RGS7: variants seen among roughly 807,000 people sequenced by gnomAD.
RGS7 encodes the protein regulator of G-protein signaling 7.
In RGS7, 27 loss-of-function variants were observed where a neutral mutation model predicts 81.1. That is an observed-to-expected ratio of 0.33 (90% CI 0.25 to 0.46). The LOEUF (loss-of-function observed/expected upper bound fraction) is 0.46, where lower values mean the gene tolerates loss of function less well. RGS7 is among the 20% of genes least tolerant of loss of function. RGS7 has a pLI of 1.00. For synonymous variants in RGS7, 208 were observed against 207.7 expected, an observed-to-expected ratio of 1.00 and a Z score of -0.01; for missense variants, 396 against 607.4, an observed-to-expected ratio of 0.65 and a Z score of 3.66.
intron 3 of RGS7, among the ~76,000 whole-genome samples, chr1:241,014,491 T>C (rs2059123710): frequency 6.6e-6 from 1 of 152,238 alleles, no homozygotes; most frequent in African/African-American, 2.4e-5. Context: ...AGGCACTCAA[T>C]GTTACTTGTC....
intron 6 of RGS7, among the ~76,000 whole-genome samples, chr1:240,905,058 C>G (rs1215007065): frequency 6.6e-6 from 1 of 151,810 alleles, no homozygotes; most frequent in Non-Finnish European, 1.5e-5. Flanking sequence ...TTGAAACTTA[C>G]AATGCACACC....
intron 3 of RGS7, among the ~76,000 whole-genome samples, chr1:241,078,501 G>GTA (rs1211271223): frequency 6.6e-6 from 1 of 151,278 alleles, no homozygotes; most frequent in African/African-American, 2.4e-5. Context: ...GTGTGTGTGT[G>GTA]TATATACACA....
At chr1:240,912,720 C>A (rs1404094717) in intron 6 of RGS7, among the ~76,000 whole-genome samples, 1 of 151,896 alleles carries the variant, frequency 6.6e-6, no homozygotes, top group Non-Finnish European at 1.5e-5. Flanking sequence ...ACTCCCAACA[C>A]AAACACATAA....
downstream of RGS7, among the ~76,000 whole-genome samples, chr1:240,774,783 C>T (rs1206407192): frequency 2.6e-5 from 4 of 152,134 alleles, no homozygotes; most frequent in South Asian, 2.1e-4. Flanking sequence ...ATCACACAGT[C>T]GGCCCTCCTC....
At chr1:241,286,743 T>C (rs2078832173) in intron 2 of RGS7, among the ~76,000 whole-genome samples, 1 of 152,176 alleles carries the variant, frequency 6.6e-6, no homozygotes, top group Non-Finnish European at 1.5e-5. Flanking sequence ...TATAGTAATT[T>C]TCCAGAAGTC....
At chr1:241,098,598 G>A (rs2064471029) in intron 3 of RGS7, 68 bp downstream of exon 3, 5 of 1,019,926 alleles carry the variant, frequency 4.9e-6, no homozygotes, top group Non-Finnish European at 7.8e-6. Context: ...GTGAACAGCT[G>A]GAATCAGTTT....
At chr1:241,343,506 T>C (rs778726060) in intron 2 of RGS7, among the ~76,000 whole-genome samples, 3 of 152,144 alleles carry the variant, frequency 2.0e-5, no homozygotes, top group Non-Finnish European at 4.4e-5. Flanking sequence ...AAGGAGAAAA[T>C]TCTGGCACAT....
At position 241,028,168 on chromosome 1, in the gene RGS7, C is replaced by T. The variant is rs193217270; in HGVS notation, c.176-45039G>A. On this transcript the variant is annotated intron_variant, in intron 3 of 18. Coordinates refer to ENST00000440928, the MANE Select transcript of RGS7 (RefSeq NM_001364886.1). The stretch of plus-strand genomic sequence containing the variant: ...GGCACCAGCCTTCCCTCCCTTTCAA[C>T]GTTTGGATGTTGTAGTTACATAAAT... Among the ~76,000 whole-genome samples, 20 of 152,258 alleles carry T rather than the reference C, an allele frequency of 1.3e-4. No homozygotes were observed. In the East Asian group the frequency reaches 3.7e-3, roughly 28 times the overall value.
chr1:241,212,845 C>A (rs1270996415), intron 2 of RGS7, among the ~76,000 whole-genome samples: 1 of 152,170 alleles, frequency 6.6e-6, no homozygotes, highest in Non-Finnish European at 1.5e-5. Flanking sequence ...ATGTCTCTTT[C>A]ATAAGCCACA....
chr1:240,806,662 C>T (rs1217550438), intron 14 of RGS7, among the ~76,000 whole-genome samples: 2 of 151,976 alleles, frequency 1.3e-5, no homozygotes, highest in Admixed American at 1.3e-4. Context: ...CCGTATAACA[C>T]TGATTTTACC....
intron 6 of RGS7, among the ~76,000 whole-genome samples, chr1:240,879,761 G>A (rs1666069808): frequency 6.6e-6 from 1 of 152,134 alleles, no homozygotes; most frequent in East Asian, 1.9e-4. Flanking sequence ...GGAGAAATTA[G>A]CATATCTTCA....
intron 4 of RGS7, among the ~76,000 whole-genome samples, chr1:240,958,987 C>T (rs1394580000): frequency 6.6e-6 from 1 of 152,076 alleles, no homozygotes; most frequent in African/African-American, 2.4e-5. Flanking sequence ...TTTGCCTGGC[C>T]GTGCACACTT....
chr1:240,924,770 C>T (rs774044829), intron 6 of RGS7, among the ~76,000 whole-genome samples: 26 of 151,992 alleles, frequency 1.7e-4, no homozygotes, highest in Non-Finnish European at 3.1e-4. Flanking sequence ...ACTAGGATGG[C>T]GTGAGTGATG....
At chr1:241,169,336 C>CTT (rs57753661) in intron 2 of RGS7, among the ~76,000 whole-genome samples, 110 of 74,256 alleles carry the variant, frequency 1.5e-3, no homozygotes, top group Non-Finnish European at 2.3e-3. Context: ...ATGTGTGTTT[C>CTT]TTTTTTTTTT....
chr1:241,326,723 C>T (rs1162982246), intron 2 of RGS7, among the ~76,000 whole-genome samples: 22 of 143,736 alleles, frequency 1.5e-4, no homozygotes, highest in Admixed American at 1.3e-3. Context: ...GTGGGCAGGT[C>T]GCTTGAGCTC....
chr1:241,205,125 A>G (rs984048875), intron 2 of RGS7, among the ~76,000 whole-genome samples: 2 of 142,742 alleles, frequency 1.4e-5, no homozygotes, highest in African/African-American at 5.2e-5. Context: ...TCAACAGGCT[A>G]GAGTGCAGTG....
intron 9 of RGS7, among the ~76,000 whole-genome samples, chr1:240,835,870 T>C (rs997688416): frequency 6.6e-5 from 10 of 152,182 alleles, no homozygotes; most frequent in Admixed American, 2.0e-4. Context: ...TCATATGACA[T>C]TCTGGAAAAG....
chr1:241,201,906 A>G (rs1482244570), intron 2 of RGS7, among the ~76,000 whole-genome samples: 1 of 151,874 alleles, frequency 6.6e-6, no homozygotes, highest in Non-Finnish European at 1.5e-5. Context: ...TCTACAGCTA[A>G]TTGTTTATAT....
chr1:241,221,018 G>A lies in RGS7; in HGVS notation c.79-122256C>T, dbSNP rs1188599277. The stretch of plus-strand genomic sequence containing the variant: ...GGAAGAGAGAGAGAAAGGAAGGAAG[G>A]AAGGAAGGAAGGAAGGAAGGAAAAG... On this transcript the variant is annotated intron_variant, in intron 2 of 18. Coordinates refer to ENST00000440928, the MANE Select transcript of RGS7 (RefSeq NM_001364886.1). Among the ~76,000 whole-genome samples the A allele has an allele frequency of 5.2e-4, 52 of 100,788 alleles. 1 individual carries two copies. The highest frequency in any genetic ancestry group is 1.5e-3 in the African/African-American group (46 of 30,446). 66.1% of individuals were successfully genotyped at this position (100,788 alleles called of 152,430 possible).
Sources: allele counts gnomAD v4.1 joint callset (sites outside exome capture counted in the v4.1 genomes callset), GRCh38; gene constraint gnomAD v4.1.1; transcripts MANE v1.5; gene names NCBI Gene and HGNC (gene_info 2026-07-23, HGNC 2026-07-21).